The following MLXIPL variants were observed in gnomAD, a reference collection of about 807,000 sequenced individuals.
MLXIPL encodes the protein carbohydrate-responsive element-binding protein.
A neutral mutation model predicts 81.5 loss-of-function variants in MLXIPL; 49 were observed. The observed-to-expected ratio is 0.60, with a 90% CI of 0.48 to 0.76. The LOEUF is 0.76. Among genes scored for constraint, MLXIPL ranks in the 30% least tolerant of loss-of-function variants. The pLI, the probability that MLXIPL is intolerant of heterozygous loss-of-function variation, is 0.00. For missense variants in MLXIPL, 1,053 were observed against 1,167.0 expected, an observed-to-expected ratio of 0.90 and a Z score of 1.42; for synonymous variants, 466 against 485.5, an observed-to-expected ratio of 0.96 and a Z score of 0.53.
At chr7:73,633,665 A>G in the MLXIPL span, among the ~76,000 whole-genome samples, 1 of 151,470 alleles carries the variant, frequency 6.6e-6, no homozygotes. Flanking sequence ...TATTGCCTAA[A>G]CTGGTTCCGA....
In MLXIPL at chr7:73,596,542, C is replaced by G; in HGVS notation, c.1823-63G>C. 1 of 1,605,572 alleles carries G rather than the reference C, an allele frequency of 6.2e-7. No individual in the cohort carries two copies. ...CCAGGGGAAAGGGTCCCCATTGCCCCCTTCCTCTCATCTGGCCCCAGACCC... is the reference window on the plus strand; with the variant it reads ...CCAGGGGAAAGGGTCCCCATTGCCCGCTTCCTCTCATCTGGCCCCAGACCC... On this transcript the variant is annotated intron_variant, in intron 11 of 16. Coordinates refer to ENST00000313375, the MANE Select transcript of MLXIPL (RefSeq NM_032951.3). This position sits in a 1 kb window ranked among gnomAD's most constrained non-coding sequence, Gnocchi z 4.7.
intron 1 of MLXIPL, among the ~76,000 whole-genome samples, chr7:73,621,478 T>C (rs931968528): frequency 6.6e-6 from 1 of 151,908 alleles, no homozygotes; most frequent in Non-Finnish European, 1.5e-5. Context: ...TTCTGAACTC[T>C]CTGCCTTACT....
the MLXIPL span, among the ~76,000 whole-genome samples, chr7:73,631,558 C>CTTTTTTTTTTTTT: frequency 1.7e-4 from 12 of 69,668 alleles, no homozygotes; most frequent in African/African-American, 2.8e-4. Flanking sequence ...GATGTTGCTA[C>CTTTTTTTTTTTTT]TTTTTTTTTT....
At chr7:73,602,175 T>A (rs1253215242) in intron 7 of MLXIPL, among the ~76,000 whole-genome samples, 1 of 35,088 alleles carries the variant, frequency 2.8e-5, no homozygotes, top group Non-Finnish European at 5.4e-5. Context: ...TTTCTTTCCC[T>A]CTCTCTCTTT....
chr7:73,645,816 G>A, the MLXIPL span, among the ~76,000 whole-genome samples: 3 of 152,216 alleles, frequency 2.0e-5, no homozygotes, highest in East Asian at 3.9e-4. Flanking sequence ...CAGCTTTGCC[G>A]TTCCCAGGCT....
chr7:73,605,621 T>C, intron 7 of MLXIPL, 67 bp downstream of exon 7: 1 of 1,453,930 alleles, frequency 6.9e-7, no homozygotes. Context: ...GGGCCTGGGA[T>C]GGGCTCATCG....
intron 7 of MLXIPL, among the ~76,000 whole-genome samples, chr7:73,602,508 TAA>T (rs112803524): frequency 2.1e-3 from 295 of 141,634 alleles, no homozygotes; most frequent in African/African-American, 6.9e-3. Context: ...CCGTTTCTAC[TAA>T]AAAAAAAAAA....
chr7:73,626,651 G>T (rs1323490972), upstream of MLXIPL, among the ~76,000 whole-genome samples: 1 of 152,176 alleles, frequency 6.6e-6, no homozygotes, highest in Non-Finnish European at 1.5e-5. Flanking sequence ...CAGCCTCAAA[G>T]ATGGGTTCAG....
chr7:73,639,103 G>A, the MLXIPL span, among the ~76,000 whole-genome samples: 618 of 152,180 alleles, frequency 4.1e-3, 2 homozygotes, highest in African/African-American at 0.013. Context: ...GGAAGAACTC[G>A]GTGGCACAAT....
At chr7:73,647,560 T>C in the MLXIPL span, among the ~76,000 whole-genome samples, 2 of 152,126 alleles carry the variant, frequency 1.3e-5, no homozygotes, top group African/African-American at 4.8e-5. Flanking sequence ...TGATCCGGAG[T>C]CCTCCCTGGG....
chr7:73,600,375 G>C (rs1282743178), intron 7 of MLXIPL, among the ~76,000 whole-genome samples: 2 of 125,748 alleles, frequency 1.6e-5, no homozygotes, highest in Non-Finnish European at 1.7e-5. Flanking sequence ...GAGTGGGATG[G>C]GGGTGAGGGG....
upstream of MLXIPL, among the ~76,000 whole-genome samples, chr7:73,628,791 G>A (rs1310474754): frequency 6.6e-6 from 1 of 152,198 alleles, no homozygotes; most frequent in East Asian, 1.9e-4. Context: ...TACAGCCTCT[G>A]TACAAACAAG....
chr7:73,632,314 C>A, the MLXIPL span, among the ~76,000 whole-genome samples: 1 of 151,942 alleles, frequency 6.6e-6, no homozygotes, highest in African/African-American at 2.4e-5. Flanking sequence ...ATTTTGTTTC[C>A]TTATCTGGAT....
At chr7:73,635,683 C>T in the MLXIPL span, among the ~76,000 whole-genome samples, 3 of 151,712 alleles carry the variant, frequency 2.0e-5, no homozygotes, top group East Asian at 5.8e-4. Context: ...ATCCATCATC[C>T]ATCCATCTAT....
At position 73,596,036 on chromosome 7, in the gene MLXIPL, T is replaced by C. The variant is rs1413990705; in HGVS notation, c.2059-67A>G. On this transcript the variant is annotated intron_variant, in intron 13 of 16. Coordinates refer to ENST00000313375, the MANE Select transcript of MLXIPL (RefSeq NM_032951.3). The surrounding 1 kb of genome is among the most constrained non-coding windows in gnomAD (Gnocchi z 4.7). ...TGTACCCTGGGACCCACTGAGGCAC[T>C]GGGATGGGAGGAGGCAAGAGTGTCT... 4 of 1,604,912 alleles carry C rather than the reference T, an allele frequency of 2.5e-6. No individual in the cohort carries two copies. Among genetic ancestry groups the C allele is most frequent in the Non-Finnish European group, 3.4e-6 (4 of 1,178,132 alleles).
At chr7:73,634,979 C>T in the MLXIPL span, among the ~76,000 whole-genome samples, 1 of 144,334 alleles carries the variant, frequency 6.9e-6, no homozygotes, top group South Asian at 2.1e-4. Context: ...CCACGCCCAG[C>T]TATTTTTTTT....
At chr7:73,638,760 T>C in the MLXIPL span, among the ~76,000 whole-genome samples, 1 of 152,014 alleles carries the variant, frequency 6.6e-6, no homozygotes, top group Non-Finnish European at 1.5e-5. Flanking sequence ...GTAGCTGGGA[T>C]TACAGGCACC....
In MLXIPL at chr7:73,596,796, T is replaced by TGGAGAAGGGCGGAGAGTCGG. The variant is rs781995583; in HGVS notation, c.1672-27_1672-8dup. Reference sequence around the variant, plus strand: ...ATTCAGGGACTGTCTCCTGCTGGGGTGGAGAAGGGCGGAGAGTCGGGTTGA... The same window carrying TGGAGAAGGGCGGAGAGTCGG: ...ATTCAGGGACTGTCTCCTGCTGGGGTGGAGAAGGGCGGAGAGTCGGGGAGAAGGGCGGAGAGTCGGGTTGA... On this transcript the variant is annotated splice_region_variant and splice_polypyrimidine_tract_variant and intron_variant, in intron 10 of 16. Transcript: ENST00000313375. The surrounding 1 kb of genome is among the most constrained non-coding windows in gnomAD (Gnocchi z 4.7). The TGGAGAAGGGCGGAGAGTCGG allele has an allele frequency of 1.2e-6, 2 of 1,606,794 alleles. No homozygotes were observed. The highest frequency in any genetic ancestry group is 2.2e-5 in the South Asian group (2 of 89,802).
Position 73,619,033 on chromosome 7 carries a change from C to T in MLXIPL, c.294-2856G>A, listed in dbSNP as rs371898813. On this transcript the variant is annotated intron_variant, in intron 1 of 16. Coordinates refer to ENST00000313375, the MANE Select transcript of MLXIPL (RefSeq NM_032951.3). ...AGAGCGTAACGCTAGGGTTCAAGAA[C>T]TTTTTATGACTGGCTGGGGATGGCT... Among the ~76,000 whole-genome samples, 23 of 152,196 alleles carry T rather than the reference C, an allele frequency of 1.5e-4. No homozygotes were observed. In the East Asian group the frequency reaches 4.1e-3, roughly 27 times the overall value.
Sources: gnomAD v4.1 joint callset for allele counts (sites outside exome capture counted in the v4.1 genomes callset) on GRCh38, gnomAD v4.1.1 for gene constraint, Gnocchi (gnomAD v3.1) non-coding constraint, MANE v1.5 for transcripts, NCBI Gene and HGNC (gene_info 2026-07-23, HGNC 2026-07-21) for gene names.